Variants in REPS2 observed in about 807,000 individuals in gnomAD.
REPS2 encodes the protein ralBP1-associated Eps domain-containing protein 2.
A neutral mutation model predicts 53.6 loss-of-function variants in REPS2; 23 were observed. The ratio of observed to expected loss-of-function variants is 0.43; its 90% CI spans 0.31 to 0.61. REPS2 has a LOEUF of 0.61. Ranked by LOEUF, REPS2 falls within the 20% of genes least tolerant of loss-of-function variation. The probability of loss-of-function intolerance (pLI) is 0.11; values close to 1 mark genes in which losing one functional copy is unlikely to be tolerated. For missense variants in REPS2, 446 were observed against 534.9 expected (o/e 0.83, Z 1.64); for synonymous variants, 238 against 218.6 (o/e 1.09, Z -0.78).
chrX:16,979,366 C>G (rs1454184485), intron 1 of REPS2, among the ~76,000 whole-genome samples: 2 of 111,937 alleles, frequency 1.8e-5, no homozygotes, highest in African/African-American at 3.3e-5. Flanking sequence ...AGATTCATAG[C>G]CACAGGAGAT....
the REPS2 span, among the ~76,000 whole-genome samples, chrX:17,182,139 TG>T: frequency 3.6e-5 from 3 of 84,261 alleles, no homozygotes; most frequent in Non-Finnish European, 7.3e-5. Context: ...GTGCTCTATC[TG>T]TCTATCTATC....
intron 1 of REPS2, among the ~76,000 whole-genome samples, chrX:16,962,360 A>T (rs2060675997): frequency 9.1e-6 from 1 of 110,380 alleles, no homozygotes; most frequent in African/African-American, 3.3e-5. Flanking sequence ...AAAAAAGGAG[A>T]TCATGCTATT....
At chrX:16,968,486 C>T (rs1296430023) in intron 1 of REPS2, among the ~76,000 whole-genome samples, 3 of 107,764 alleles carry the variant, frequency 2.8e-5, no homozygotes, top group African/African-American at 6.8e-5. Flanking sequence ...ACCCCCACCT[C>T]CCTCCCGGAC....
At chrX:17,000,959 A>T (rs753021787) in intron 1 of REPS2, among the ~76,000 whole-genome samples, 20 of 111,892 alleles carry the variant, frequency 1.8e-4, no homozygotes, top group Non-Finnish European at 3.6e-4. Context: ...AAAGACCATG[A>T]GCTTTGGACC....
intron 13 of REPS2, among the ~76,000 whole-genome samples, chrX:17,092,300 A>G (rs2148028273): frequency 1.8e-5 from 2 of 112,430 alleles, no homozygotes; most frequent in East Asian, 5.5e-4. Context: ...TAATGAAATA[A>G]GAGGATAAAA....
At chrX:17,068,744 G>A (rs2062260975) in intron 10 of REPS2, among the ~76,000 whole-genome samples, 1 of 112,142 alleles carries the variant, frequency 8.9e-6, no homozygotes, top group African/African-American at 3.3e-5. Context: ...TCTGATCGTA[G>A]CAATTAGGAA....
intron 1 of REPS2, among the ~76,000 whole-genome samples, chrX:17,003,181 A>G (rs1191769620): frequency 1.8e-5 from 2 of 111,805 alleles, no homozygotes; most frequent in Non-Finnish European, 3.8e-5. Flanking sequence ...CAAAATACCA[A>G]TTGTGCTGTG....
chrX:17,062,555 TA>T, intron 9 of REPS2, 23 bp downstream of exon 9: 1 of 1,086,567 alleles, frequency 9.2e-7, no homozygotes, highest in Non-Finnish European at 1.3e-6. Flanking sequence ...CATATGCTAA[TA>T]AATAAGGATG....
At chrX:17,084,212 A>T in intron 13 of REPS2, among the ~76,000 whole-genome samples, 1 of 111,470 alleles carries the variant, frequency 9.0e-6, no homozygotes. Flanking sequence ...ACTTAGTATA[A>T]TGTTCTCAAG....
intron 1 of REPS2, among the ~76,000 whole-genome samples, chrX:16,953,144 CAA>C (rs1276032455): frequency 5.2e-5 from 4 of 76,757 alleles, no homozygotes; most frequent in Non-Finnish European, 1.1e-4. Context: ...CACACACACA[CAA>C]ACACACAAAC....
chrX:17,195,339 A>C, the REPS2 span, among the ~76,000 whole-genome samples: 1 of 112,329 alleles, frequency 8.9e-6, no homozygotes. Flanking sequence ...AATGACTTGT[A>C]GACAGTGTGC....
chrX:17,170,168 G>T, the REPS2 span, among the ~76,000 whole-genome samples: 1 of 112,516 alleles, frequency 8.9e-6, no homozygotes, highest in Non-Finnish European at 1.9e-5. Context: ...ATTTGAGTTG[G>T]GTATTGTACA....
chrX:17,093,200 A>ATAT (rs61196590), intron 13 of REPS2, among the ~76,000 whole-genome samples: 2 of 15,660 alleles, frequency 1.3e-4, no homozygotes, highest in African/African-American at 2.5e-4. Flanking sequence ...ATATATATAT[A>ATAT]ATTTTTTTTT....
chrX:17,056,333 C>G (rs2062069567), intron 8 of REPS2, among the ~76,000 whole-genome samples: 1 of 112,351 alleles, frequency 8.9e-6, no homozygotes, highest in Non-Finnish European at 1.9e-5. Flanking sequence ...TTTAGGCACA[C>G]CCGAGTGTCT....
In REPS2 at chrX:17,008,162, G is replaced by A. The variant is rs190964554; in HGVS notation, c.397+1818G>A. Reference sequence around the variant, plus strand: ...GTATTCATTGCTGCAAGACACAGCGGCCATTTGCTTTGATTAGTTGAAAGT... The same window carrying A: ...GTATTCATTGCTGCAAGACACAGCGACCATTTGCTTTGATTAGTTGAAAGT... On this transcript the variant is annotated intron_variant, in intron 2 of 17. Coordinates refer to ENST00000357277, the MANE Select transcript of REPS2 (RefSeq NM_004726.3). 2.2e-3 allele frequency among the ~76,000 whole-genome samples: 247 copies of A among 112,280 alleles called. 1 individual carries two copies. The highest frequency in any genetic ancestry group is 7.1e-3 in the African/African-American group (220 of 30,890).
intron 6 of REPS2, among the ~76,000 whole-genome samples, chrX:17,049,122 T>G (rs1367290748): frequency 1.8e-5 from 2 of 111,799 alleles, no homozygotes; most frequent in Admixed American, 9.5e-5. Context: ...CTCAAACCCC[T>G]GACCTCGTGA....
At chrX:16,978,663 C>G (rs1186329812) in intron 1 of REPS2, 1 of 496,864 alleles carries the variant, frequency 2.0e-6, no homozygotes, top group African/African-American at 2.6e-5. Context: ...GGCACAGAAT[C>G]CCAGCCTCCA....
chrX:17,044,376 A>G (rs959509792), intron 5 of REPS2: 1 of 111,190 alleles, frequency 9.0e-6, no homozygotes, highest in Admixed American at 9.6e-5. Flanking sequence ...TTTTTTTTCA[A>G]TGGAACTGTA....
chrX:17,102,836 C>A (rs773173387), intron 13 of REPS2, among the ~76,000 whole-genome samples: 18 of 112,478 alleles, frequency 1.6e-4, no homozygotes, highest in Non-Finnish European at 3.2e-4. Flanking sequence ...ATGCATAGTA[C>A]AAATTTGCAA....
Sources: gnomAD v4.1 joint callset for allele counts (sites outside exome capture counted in the v4.1 genomes callset) on GRCh38, gnomAD v4.1.1 for gene constraint, MANE v1.5 for transcripts, NCBI Gene and HGNC (gene_info 2026-07-23, HGNC 2026-07-21) for gene names.